Variants in BMP4 observed in about 807,000 individuals in gnomAD.
The protein encoded by BMP4 is bone morphogenetic protein 2B.
BMP4 carries 3 observed loss-of-function variants against 29.6 expected under a neutral mutation model. The observed-to-expected ratio is 0.10, with a 90% CI of 0.05 to 0.26. The LOEUF (loss-of-function observed/expected upper bound fraction) is 0.26. Ranked by LOEUF, BMP4 falls within the 10% of genes least tolerant of loss-of-function variation. The pLI is 1.00. For missense variants in BMP4, 455 were observed against 550.2 expected (o/e 0.83, Z 1.73); for synonymous variants, 197 against 213.2 (o/e 0.92, Z 0.66).
rs577049819 is a variant in BMP4 at position 53,954,222 on chromosome 14, C to T, written c.-132-822G>A. Among the ~76,000 whole-genome samples, 1 of 152,182 alleles carries T rather than the reference C, an allele frequency of 6.6e-6. No homozygotes were observed. Among genetic ancestry groups the T allele is most frequent in the East Asian group, 1.9e-4 (1 of 5,136 alleles). On this transcript the variant is annotated intron_variant, in intron 1 of 3. Coordinates refer to ENST00000245451, the MANE Select transcript of BMP4 (RefSeq NM_001202.6). This position sits in a 1 kb window ranked among gnomAD's most constrained non-coding sequence, Gnocchi z 4.8. ...TTACCGAGAATCCCCAAACCTAGTC[C>T]GCCGCTGCGTGGCCCCTCTCCCCAT...
chr14:53,951,654 C>T (rs1895417308), intron 3 of BMP4, 199 bp downstream of exon 3: 4 of 803,130 alleles, frequency 5.0e-6, no homozygotes, highest in Non-Finnish European at 7.8e-6. Context: ...ATTCCCCTTC[C>T]CCTGAACACC....
At position 53,950,052 on chromosome 14, in the gene BMP4, C is replaced by T; in HGVS notation, c.1207G>A (p.Glu403Lys). The change falls in exon 4 of 4, where the codon GAG (glutamate) becomes AAG (lysine). Residue 403 changes from glutamate (E) to lysine (K), a missense_variant. This residue lies in a region of BMP4 where 48 missense variants were observed against 90.4 expected (regional missense o/e 0.53). Transcript: ENST00000245451. The surrounding 1 kb of genome is among the most constrained non-coding windows in gnomAD (Gnocchi z 5.4). ...VLKNYQEMVV[E>K]GCGCR ...TGATCTCAGCGGCACCCACATCCCTCTACTACCATCTCCTGATAATTTTTC... is the reference window on the plus strand; with the variant it reads ...TGATCTCAGCGGCACCCACATCCCTTTACTACCATCTCCTGATAATTTTTC... 6.2e-7 allele frequency: 1 copy of T among 1,614,080 alleles called. No homozygotes were observed.
intron 1 of BMP4, 129 bp from the exon 2 acceptor site, chr14:53,953,529 C>T (rs998350158): frequency 2.0e-5 from 8 of 390,588 alleles, no homozygotes; most frequent in Non-Finnish European, 3.6e-5. Flanking sequence ...GCGCGCCCTC[C>T]CCTCCTCCAC....
In BMP4 at chr14:53,951,897, C is replaced by G. The variant is rs773235106; in HGVS notation, c.326G>C (p.Arg109Pro). Reference sequence around the variant, plus strand: ...CACGGTGTTGGCCCGGCTGGCCGGGCGCTCAGGATACTCAAGACCAGTGCT... The same window carrying G: ...CACGGTGTTGGCCCGGCTGGCCGGGGGCTCAGGATACTCAAGACCAGTGCT... ...IHSTGLEYPE[R>P]PASRANTVRS... The change falls in exon 3 of 4, where the codon CGC (arginine) becomes CCC (proline). Residue 109 changes from arginine to proline, a missense_variant. Arg to Pro is a moderately radical substitution (Grantham distance 103, BLOSUM62 -2). Transcript: ENST00000245451. 1.2e-6 allele frequency: 2 copies of G among 1,601,206 alleles called. No homozygotes were observed. Among genetic ancestry groups the G allele is most frequent in the African/African-American group, 2.7e-5 (2 of 75,038 alleles).
At chr14:53,956,229 G>T (rs1312709562) in intron 1 of BMP4, among the ~76,000 whole-genome samples, 1 of 151,918 alleles carries the variant, frequency 6.6e-6, no homozygotes, top group Admixed American at 6.5e-5. Context: ...CCTCCAGCCC[G>T]TGGGCAACGC....
Position 53,956,678 on chromosome 14 carries a change from T to A in BMP4, c.-261A>T. ...CGAGATAGCTTGGACGGGAATCCCA[T>A]CGGGGAGACAAGCTAGATACTCAGC... is the stretch of plus-strand genomic sequence containing the variant. On this transcript the variant is annotated 5_prime_UTR_variant, in exon 1 of 4. The change abolishes an upstream ATG in the 5' untranslated region. Transcript: ENST00000245451. 2.5e-6 allele frequency: 1 copy of A among 398,954 alleles called. No homozygotes were observed. The highest frequency in any genetic ancestry group is 3.6e-5 in the East Asian group (1 of 28,046). The allele number at this position is 398,954 out of a possible 1,614,324, so 24.7% of individuals were successfully genotyped here.
chr14:53,952,341 T>C (rs980357870), intron 2 of BMP4, 112 bp from the exon 3 acceptor site: 54 of 1,314,174 alleles, frequency 4.1e-5, no homozygotes, highest in Non-Finnish European at 5.1e-5. Context: ...AGGGGCAAGA[T>C]GGAAAGCAGG....
intron 2 of BMP4, among the ~76,000 whole-genome samples, chr14:53,952,833 T>G (rs547442333): frequency 6.6e-6 from 1 of 151,864 alleles, no homozygotes; most frequent in South Asian, 2.1e-4. Context: ...GGCCGATGAG[T>G]TTGAAATATT....
In BMP4 at chr14:53,950,420, C is replaced by T. The variant is rs776094026; in HGVS notation, c.839G>A (p.Arg280Gln). 11 of 1,613,900 alleles carry T rather than the reference C, an allele frequency of 6.8e-6. No individual in the cohort carries two copies. The Middle Eastern group carries it at 4.9e-4, about 73-fold the overall frequency. ...PLLVTFGHDG[R>Q]GHALTRRRRA... ...CCGGCGTCGGGTCAAGGCATGGCCC[C>T]GGCCATCATGGCCAAAGGTGACCAG... is the stretch of plus-strand genomic sequence containing the variant. Residue 280 changes from arginine to glutamine, a missense_variant, in exon 4 of 4, where the codon CGG becomes CAG. Arg to Gln is a conservative substitution (Grantham distance 43). Transcript: ENST00000245451. This position sits in a 1 kb window ranked among gnomAD's most constrained non-coding sequence, Gnocchi z 5.4.
chr14:53,951,032 T>C, intron 3 of BMP4, 144 bp from the exon 4 acceptor site: 1 of 1,150,574 alleles, frequency 8.7e-7, no homozygotes, highest in South Asian at 1.3e-5. Context: ...AAAATAAGCA[T>C]ACCCCTTAAT....
At position 53,953,381 on chromosome 14, in the gene BMP4, A is replaced by C; in HGVS notation, c.-113T>G. On this transcript the variant is annotated 5_prime_UTR_variant, in exon 2 of 4. Transcript: ENST00000245451. ...AAGCTGCAGCAGTGCGTTGCTCGGG[A>C]TGGCACTACGGAATGGCTCCTAAAA... is the stretch of plus-strand genomic sequence containing the variant. The C allele has an allele frequency of 2.5e-6, 1 of 399,212 alleles. No homozygotes were observed. Among genetic ancestry groups the C allele is most frequent in the Non-Finnish European group, 4.4e-6 (1 of 226,128 alleles). The allele number at this position is 399,212 out of a possible 1,614,324, so 24.7% of individuals were successfully genotyped here.
intron 2 of BMP4, 91 bp from the exon 3 acceptor site, chr14:53,952,320 G>A: frequency 6.8e-7 from 1 of 1,461,812 alleles, no homozygotes; most frequent in South Asian, 1.3e-5. Flanking sequence ...TGCATTTAGG[G>A]CTAGAAATGG....
At chr14:53,953,657 T>TGCCCCGCGGCCGCC (rs1895574675) in intron 1 of BMP4, among the ~76,000 whole-genome samples, 2 of 151,468 alleles carry the variant, frequency 1.3e-5, no homozygotes, top group African/African-American at 4.8e-5. Context: ...CCTCGGCCGG[T>TGCCCCGCGGCCGCC]GCCCCGCGGC....
At position 53,950,774 on chromosome 14, in the gene BMP4, C is replaced by G; in HGVS notation, c.485G>C (p.Arg162Pro). 6.2e-7 allele frequency: 1 copy of G among 1,613,706 alleles called. No individual in the cohort carries two copies. Among genetic ancestry groups the G allele is most frequent in the South Asian group, 1.1e-5 (1 of 91,086 alleles). ...ATCAGGGCCCTGGTCCACCTGCTCCCGGAAGAGCCGAAGCTCTGCAGAGGA... is the reference window on the plus strand; with the variant it reads ...ATCAGGGCCCTGGTCCACCTGCTCCGGGAAGAGCCGAAGCTCTGCAGAGGA... ...VISSAELRLF[R>P]EQVDQGPDWE... is the part of the protein sequence containing the mutation. Residue 162 changes from arginine to proline, a missense_variant, in exon 4 of 4, where the codon CGG becomes CCG. By Grantham distance (103) the Arg-to-Pro change is moderately radical. Transcript: ENST00000245451. The surrounding 1 kb of genome is among the most constrained non-coding windows in gnomAD (Gnocchi z 5.4).
At position 53,950,375 on chromosome 14, in the gene BMP4, T is replaced by C; in HGVS notation, c.884A>G (p.Lys295Arg). The change falls in exon 4 of 4, where the codon AAG (lysine) becomes AGG (arginine). Residue 295 changes from lysine (K) to arginine (R), a missense_variant. Physicochemically the swap from Lys to Arg is conservative, Grantham distance 26. Coordinates refer to ENST00000245451, the MANE Select transcript of BMP4 (RefSeq NM_001202.6). This position sits in a 1 kb window ranked among gnomAD's most constrained non-coding sequence, Gnocchi z 5.4. ...CTTCCTGGCCCGCTGTGAGTGATGC[T>C]TAGGGCTACGCTTGGCCCTCCGGCG... ...TRRRRAKRSP[K>R]HHSQRARKKN... The C allele has an allele frequency of 6.2e-7, 1 of 1,613,954 alleles. No individual in the cohort carries two copies. The highest frequency in any genetic ancestry group is 8.5e-7 in the Non-Finnish European group (1 of 1,179,862).
Position 53,955,773 on chromosome 14 carries a change from C to G in BMP4, c.-133+777G>C, listed in dbSNP as rs1285943726. On this transcript the variant is annotated intron_variant, in intron 1 of 3. Transcript: ENST00000245451. The surrounding 1 kb of genome is among the most constrained non-coding windows in gnomAD (Gnocchi z 4.0). ...TCCCGTCGGTTCCGGGCCTGGAGGG[C>G]CAGGAAGAGCCGCGCGTCCGCCTTT... is the stretch of plus-strand genomic sequence containing the variant. 1 of 152,154 alleles carries G rather than the reference C, an allele frequency of 6.6e-6. No homozygotes were observed. Among genetic ancestry groups the G allele is most frequent in the African/African-American group, 2.4e-5 (1 of 41,446 alleles). 9.4% of individuals were successfully genotyped at this position (152,154 alleles called of 1,614,324 possible). A position where few individuals can be genotyped will look rare whatever the true frequency, so the allele number is the denominator to read the frequency against.
chr14:53,956,319 C>A (rs1027543473), intron 1 of BMP4, among the ~76,000 whole-genome samples: 14 of 152,220 alleles, frequency 9.2e-5, no homozygotes, highest in Non-Finnish European at 1.8e-4. Context: ...CTGCCCCGCA[C>A]TTCCCAAAGG....
rs1271801937 is a variant in BMP4 at position 53,955,004 on chromosome 14, G to A, written c.-133+1546C>T. Among the ~76,000 whole-genome samples, 2 of 152,208 alleles carry A rather than the reference G, an allele frequency of 1.3e-5. No homozygotes were observed. The highest frequency in any genetic ancestry group is 2.9e-5 in the Non-Finnish European group (2 of 68,028). On this transcript the variant is annotated intron_variant, in intron 1 of 3. Transcript: ENST00000245451. The surrounding 1 kb of genome is among the most constrained non-coding windows in gnomAD (Gnocchi z 4.0). ...CCCTCCCTCCCGACCGTGGATGCCC[G>A]GAGTCGACCAACACCTCAGGTCCGG... is the stretch of plus-strand genomic sequence containing the variant.
chr14:53,951,997 T>C lies in BMP4; in HGVS notation c.226A>G (p.Ser76Gly). 1 of 1,613,788 alleles carries C rather than the reference T, an allele frequency of 6.2e-7. No homozygotes were observed. Among genetic ancestry groups the C allele is most frequent in the Non-Finnish European group, 8.5e-7 (1 of 1,180,040 alleles). The change falls in exon 3 of 4, where the codon AGT becomes GGT. Residue 76 changes from serine (S) to glycine (G), a missense_variant. Around this residue, in one of 4 missense-constraint regions of BMP4, gnomAD observed 249 missense variants for 284.6 expected, o/e 0.87. Transcript: ENST00000245451. ...GLRRRPQPSK[S>G]AVIPDYMRDL... ...CGCATGTAGTCCGGAATGACGGCAC[T>C]CTTGCTAGGCTGCGGGCGGCGGCGC... is the stretch of plus-strand genomic sequence containing the variant.
Sources: allele counts gnomAD v4.1 joint callset (sites outside exome capture counted in the v4.1 genomes callset), GRCh38; gene constraint gnomAD v4.1.1; regional missense constraint gnomAD v4.1.1; non-coding constraint Gnocchi (gnomAD v3.1); transcripts MANE v1.5; gene names NCBI Gene and HGNC (gene_info 2026-07-23, HGNC 2026-07-21).